The following SLC1A7 variants were observed in gnomAD, a reference collection of about 807,000 sequenced individuals.
SLC1A7 encodes excitatory amino acid transporter 5.
A neutral mutation model predicts 47.7 loss-of-function variants in SLC1A7; 40 were observed. The observed-to-expected ratio is 0.84, with a 90% CI of 0.65 to 1.09. The LOEUF is 1.09. SLC1A7 is among the 50% of genes least tolerant of loss of function. SLC1A7 has a pLI of 0.00. For missense variants in SLC1A7, 746 were observed against 769.5 expected (o/e 0.97, Z 0.36); for synonymous variants, 323 against 325.6 (o/e 0.99, Z 0.09).
chr1:53,116,738 C>A (rs188259271), intron 2 of SLC1A7, among the ~76,000 whole-genome samples: 12 of 152,330 alleles, frequency 7.9e-5, no homozygotes, highest in Admixed American at 2.0e-4. Context: ...GCCATGTACC[C>A]GAGAGCAGGC....
At chr1:53,090,513 G>A in intron 8 of SLC1A7, 99 bp downstream of exon 8, 1 of 1,437,542 alleles carries the variant, frequency 7.0e-7, no homozygotes, top group Non-Finnish European at 9.1e-7. Context: ...TCCGAGCCCA[G>A]GCTCGCTCGC....
chr1:53,117,372 A>G (rs922041998), intron 2 of SLC1A7, among the ~76,000 whole-genome samples: 2 of 152,222 alleles, frequency 1.3e-5, no homozygotes, highest in African/African-American at 4.8e-5. Flanking sequence ...GATGTCTAGA[A>G]GGGAGAACGA....
At chr1:53,089,746 AC>A in intron 9 of SLC1A7, 53 bp downstream of exon 9, 1 of 1,595,342 alleles carries the variant, frequency 6.3e-7, no homozygotes, top group South Asian at 1.1e-5. Flanking sequence ...ATCCCTGCTG[AC>A]CCTGAAGTCA....
intron 5 of SLC1A7, among the ~76,000 whole-genome samples, chr1:53,101,333 C>T (rs1644577270): frequency 1.0e-5 from 1 of 100,120 alleles, no homozygotes; most frequent in African/African-American, 3.7e-5. Flanking sequence ...CTCACACACC[C>T]CTCCTCGGTA....
intron 7 of SLC1A7, among the ~76,000 whole-genome samples, chr1:53,091,379 G>A (rs911564016): frequency 1.3e-5 from 2 of 152,138 alleles, no homozygotes; most frequent in East Asian, 1.9e-4. Context: ...CCTCTCCCCC[G>A]GGCCTCTGCC....
intron 6 of SLC1A7, 122 bp downstream of exon 6, chr1:53,093,339 G>T: frequency 1.3e-6 from 1 of 799,264 alleles, no homozygotes; most frequent in Non-Finnish European, 2.0e-6. Flanking sequence ...CGGAGGCCCC[G>T]GCCCAGGGCT....
intron 2 of SLC1A7, among the ~76,000 whole-genome samples, chr1:53,119,085 G>A (rs1220150710): frequency 6.6e-6 from 1 of 152,150 alleles, no homozygotes; most frequent in Non-Finnish European, 1.5e-5. Flanking sequence ...CTGCTTTTGG[G>A]TCTCAGAGGC....
intron 4 of SLC1A7, 172 bp from the exon 5 acceptor site, chr1:53,103,740 A>C: frequency 3.9e-6 from 2 of 519,072 alleles, no homozygotes; most frequent in South Asian, 3.0e-5. Flanking sequence ...ATTTTACCCA[A>C]AGAAAGCTGC....
intron 3 of SLC1A7, among the ~76,000 whole-genome samples, chr1:53,110,455 G>A (rs190934104): frequency 3.2e-4 from 49 of 152,238 alleles, no homozygotes; most frequent in African/African-American, 1.1e-3. Flanking sequence ...GGGCTGGGGC[G>A]TGGGGGGTGC....
intron 1 of SLC1A7, among the ~76,000 whole-genome samples, chr1:53,141,256 G>A (rs1645053831): frequency 6.6e-6 from 1 of 151,948 alleles, no homozygotes; most frequent in Non-Finnish European, 1.5e-5. Flanking sequence ...GATCACCCTG[G>A]CCTGCCTTCA....
At chr1:53,104,893 A>G (rs1194884420) in intron 4 of SLC1A7, among the ~76,000 whole-genome samples, 1 of 152,266 alleles carries the variant, frequency 6.6e-6, no homozygotes, top group Non-Finnish European at 1.5e-5. Context: ...AAGGACATTC[A>G]CCACAATTTC....
Position 53,142,478 on chromosome 1 carries a change from C to A in SLC1A7, c.-29G>T, listed in dbSNP as rs752414237. 1 of 1,609,968 alleles carries A rather than the reference C, an allele frequency of 6.2e-7. No homozygotes were observed. The highest frequency in any genetic ancestry group is 1.1e-5 in the South Asian group (1 of 90,590). On this transcript the variant is annotated 5_prime_UTR_variant, in exon 1 of 11. Transcript: ENST00000371494. ...GAGCCTGGCCTGCTGGCAAGGGGCA[C>A]AGCACCATTCCACGCATGAGAGCCC...
intron 5 of SLC1A7, among the ~76,000 whole-genome samples, chr1:53,101,746 C>T (rs913308146): frequency 6.6e-6 from 1 of 151,624 alleles, no homozygotes; most frequent in African/African-American, 2.4e-5. Flanking sequence ...CTCATACACC[C>T]TGCCTCAGTA....
Position 53,114,818 on chromosome 1 carries a change from G to T in SLC1A7, c.371C>A (p.Thr124Asn). The change falls in exon 3 of 11, where the codon ACC (threonine) becomes AAC (asparagine). Residue 124 changes from threonine (T) to asparagine (N), a missense_variant. Transcript: ENST00000371494. ...GATGGGCTTCCCACTCTGCTCCGTG[G>T]TCTCCTTCTGGGCCGCGCTGCCTGG... ...IHPGSAAQKE[T>N]TEQSGKPIMS... 1 of 1,614,192 alleles carries T rather than the reference G, an allele frequency of 6.2e-7. No individual in the cohort carries two copies. Among genetic ancestry groups the T allele is most frequent in the South Asian group, 1.1e-5 (1 of 91,078 alleles).
chr1:53,138,411 T>G (rs1182088424), intron 1 of SLC1A7, among the ~76,000 whole-genome samples: 1 of 152,240 alleles, frequency 6.6e-6, no homozygotes, highest in South Asian at 2.1e-4. Flanking sequence ...TCTCTAAAAG[T>G]GTCATTAGGT....
At chr1:53,097,940 C>T (rs376839559) in intron 5 of SLC1A7, among the ~76,000 whole-genome samples, 1 of 40,444 alleles carries the variant, frequency 2.5e-5, no homozygotes, top group Non-Finnish European at 1.6e-4. Context: ...CACCTCGGTA[C>T]ACTCACACAC....
Position 53,114,981 on chromosome 1 carries a change from G to T in SLC1A7, c.216-8C>A. On this transcript the variant is annotated splice_region_variant and splice_polypyrimidine_tract_variant and intron_variant, in intron 2 of 10. Coordinates refer to ENST00000371494, the MANE Select transcript of SLC1A7 (RefSeq NM_006671.6). ...GCAAGTCCGGACATCAAGCTGGGAG[G>T]GCGAGGGGGTCAGGGGCTGTGGTGG... 6.2e-7 allele frequency: 1 copy of T among 1,611,918 alleles called. No individual in the cohort carries two copies. Among genetic ancestry groups the T allele is most frequent in the Non-Finnish European group, 8.5e-7 (1 of 1,178,862 alleles).
In SLC1A7 at chr1:53,142,429, CAAGATGG is replaced by C; in HGVS notation, c.14_20del (p.Ala5GlyfsTer31). The C allele has an allele frequency of 6.2e-7, 1 of 1,613,254 alleles. No individual in the cohort carries two copies. Among genetic ancestry groups the C allele is most frequent in the African/African-American group, 1.3e-5 (1 of 75,038 alleles). On this transcript the variant is annotated frameshift_variant, in exon 1 of 11. Coordinates refer to ENST00000371494, the MANE Select transcript of SLC1A7 (RefSeq NM_006671.6). LOFTEE classifies it high-confidence loss of function. ...GCCTGCACACGTCCCTCCCCCGTGC[CAAGATGG>C]CATGCGGCACCATGGTGAGCCTGGC...
In SLC1A7 at chr1:53,092,778, G is replaced by A; in HGVS notation, c.807C>T (p.Pro269=). The change falls in exon 7 of 11, where the codon CCC becomes CCT. Residue 269 remains proline, a synonymous_variant. Coordinates refer to ENST00000371494, the MANE Select transcript of SLC1A7 (RefSeq NM_006671.6). Reference sequence around the variant, plus strand: ...CCGCAATGAGGAACACAATGCCGAAGGGGAAATACCTGGGGGCGGCGGGGC... The same window carrying A: ...CCGCAATGAGGAACACAATGCCGAAAGGGAAATACCTGGGGGCGGCGGGGC... ...KIVAVAVWYF[P]FGIVFLIAGK... is the part of the protein sequence containing the mutation. 2.5e-6 allele frequency: 4 copies of A among 1,611,340 alleles called. No individual in the cohort carries two copies. Among genetic ancestry groups the A allele is most frequent in the Non-Finnish European group, 2.5e-6 (3 of 1,177,738 alleles).
Sources: allele counts gnomAD v4.1 joint callset (sites outside exome capture counted in the v4.1 genomes callset), GRCh38; gene constraint gnomAD v4.1.1; transcripts MANE v1.5; gene names NCBI Gene and HGNC (gene_info 2026-07-23, HGNC 2026-07-21).